The following ETS1 variants were observed in gnomAD, a reference collection of about 807,000 sequenced individuals.
ETS1 encodes ETS proto-oncogene 1, transcription factor.
In ETS1, 15 loss-of-function variants were observed where a neutral mutation model predicts 58.6. That is an observed-to-expected ratio of 0.26 (90% confidence interval 0.17 to 0.39). ETS1 has a LOEUF of 0.39. ETS1 is among the 10% of genes least tolerant of loss of function. ETS1 has a pLI of 1.00. For synonymous variants in ETS1, 214 were observed against 218.2 expected (o/e 0.98, Z 0.17); for missense variants, 417 against 610.5 (o/e 0.68, Z 3.34).
chr11:128,550,300 A>G (rs2135551936), intron 3 of ETS1, among the ~76,000 whole-genome samples: 1 of 152,362 alleles, frequency 6.6e-6, no homozygotes, highest in African/African-American at 2.4e-5. Flanking sequence ...AAATAGTACC[A>G]GCTCAAAAGC....
intron 3 of ETS1, among the ~76,000 whole-genome samples, chr11:128,503,048 A>G (rs1863132135): frequency 6.6e-6 from 1 of 152,226 alleles, no homozygotes; most frequent in Non-Finnish European, 1.5e-5. Context: ...AGGGCTCAAC[A>G]AAGAGATCCC....
chr11:128,522,779 C>A (rs1863723302), intron 3 of ETS1, among the ~76,000 whole-genome samples: 1 of 152,224 alleles, frequency 6.6e-6, no homozygotes, highest in Non-Finnish European at 1.5e-5. Flanking sequence ...CAAAGACTGA[C>A]ACACAGGACG....
chr11:128,463,880 G>A lies in ETS1; in HGVS notation c.1124-253C>T, dbSNP rs58273364. ...CTTTATTTTGATTAACTTAAGGATC[G>A]GTTCATTTTTATTGCTAAACAAATT... On this transcript the variant is annotated intron_variant, in intron 8 of 9. Coordinates refer to ENST00000392668, the MANE Select transcript of ETS1 (RefSeq NM_001143820.2). The surrounding 1 kb of genome is among the most constrained non-coding windows in gnomAD (Gnocchi z 4.1). The A allele has an allele frequency of 7.3e-5, 19 of 259,670 alleles. No homozygotes were observed. The highest frequency in any genetic ancestry group is 3.5e-4 in the East Asian group (4 of 11,530). The allele number at this position is 259,670 out of a possible 1,614,324, so 16.1% of individuals were successfully genotyped here. A position where few individuals can be genotyped will look rare whatever the true frequency, so the allele number is the denominator to read the frequency against.
chr11:128,538,070 G>A (rs1201442449), intron 3 of ETS1, among the ~76,000 whole-genome samples: 5 of 152,064 alleles, frequency 3.3e-5, no homozygotes, highest in Admixed American at 2.6e-4. Flanking sequence ...GATTTGGGAT[G>A]TTTGCCACAC....
intron 2 of ETS1, among the ~76,000 whole-genome samples, chr11:128,566,584 C>T (rs960538012): frequency 2.0e-4 from 30 of 152,158 alleles, no homozygotes; most frequent in Middle Eastern, 3.4e-3. Context: ...GAGATCGAGA[C>T]CATCCTGGCT....
intron 8 of ETS1, among the ~76,000 whole-genome samples, chr11:128,479,325 C>G (rs978909476): frequency 2.0e-5 from 3 of 152,196 alleles, no homozygotes; most frequent in African/African-American, 7.2e-5. Flanking sequence ...TCTGAGTAAT[C>G]AAAGCTACTT....
intron 9 of ETS1, among the ~76,000 whole-genome samples, 169 bp from the exon 10 acceptor site, chr11:128,462,745 C>T (rs530901517): frequency 6.6e-6 from 1 of 152,266 alleles, no homozygotes; most frequent in African/African-American, 2.4e-5. Flanking sequence ...GGCCTATCTC[C>T]TGAATTCCAT....
intron 3 of ETS1, among the ~76,000 whole-genome samples, chr11:128,523,485 A>G: frequency 6.6e-6 from 1 of 152,256 alleles, no homozygotes; most frequent in East Asian, 1.9e-4. Flanking sequence ...TCTCAGAGAA[A>G]GCTATTTTTA....
At chr11:128,488,416 C>A (rs768770351) in intron 5 of ETS1, among the ~76,000 whole-genome samples, 14 of 151,972 alleles carry the variant, frequency 9.2e-5, no homozygotes, top group African/African-American at 2.4e-5. Context: ...AGGTATAATG[C>A]GGGGTAAAAG....
intron 3 of ETS1, among the ~76,000 whole-genome samples, chr11:128,539,677 A>G (rs1864025756): frequency 6.6e-6 from 1 of 152,214 alleles, no homozygotes; most frequent in Admixed American, 6.5e-5. Context: ...TTGTACATTA[A>G]TGTTAATAGC....
intron 3 of ETS1, among the ~76,000 whole-genome samples, chr11:128,508,486 G>A (rs530791716): frequency 6.6e-6 from 1 of 152,294 alleles, no homozygotes; most frequent in African/African-American, 2.4e-5. Flanking sequence ...AAGACATGGT[G>A]CTGCCTCCAG....
chr11:128,508,055 C>G (rs952743936), intron 3 of ETS1, among the ~76,000 whole-genome samples: 12 of 152,340 alleles, frequency 7.9e-5, no homozygotes, highest in African/African-American at 2.9e-4. Context: ...CCCTAACTCA[C>G]GTTCGGTAAG....
intron 8 of ETS1, among the ~76,000 whole-genome samples, chr11:128,479,228 T>C (rs993787140): frequency 6.6e-6 from 1 of 152,220 alleles, no homozygotes; most frequent in African/African-American, 2.4e-5. Flanking sequence ...CAGATCTTGC[T>C]GTTTGTCATC....
chr11:128,525,023 A>G (rs1369047107), intron 3 of ETS1, among the ~76,000 whole-genome samples: 2 of 127,026 alleles, frequency 1.6e-5, no homozygotes, highest in African/African-American at 5.6e-5. Context: ...TTTTTAAGGC[A>G]CTCAGGAAAA....
At chr11:128,518,964 G>C (rs967031517) in intron 3 of ETS1, among the ~76,000 whole-genome samples, 2 of 152,290 alleles carry the variant, frequency 1.3e-5, no homozygotes, top group Non-Finnish European at 1.5e-5. Context: ...AGTGTTGAAG[G>C]AAAGGAAAAA....
intron 1 of ETS1, among the ~76,000 whole-genome samples, chr11:128,582,918 T>G (rs1864903422): frequency 6.6e-6 from 1 of 152,048 alleles, no homozygotes; most frequent in South Asian, 2.1e-4. Flanking sequence ...AGTAAAGCAC[T>G]GCGGAAAATA....
At chr11:128,538,228 A>G (rs1026728692) in intron 3 of ETS1, among the ~76,000 whole-genome samples, 4 of 152,230 alleles carry the variant, frequency 2.6e-5, no homozygotes, top group African/African-American at 9.6e-5. Flanking sequence ...AGAAAAGTCT[A>G]CTGACTTATT....
intron 2 of ETS1, 93 bp from the exon 3 acceptor site, chr11:128,556,528 G>T (rs183665786): frequency 1.1e-5 from 9 of 809,664 alleles, no homozygotes; most frequent in Non-Finnish European, 1.7e-5. Flanking sequence ...CCAATCACAT[G>T]TAAGTAAGAA....
chr11:128,522,059 A>G, intron 3 of ETS1: 3 of 1,489,868 alleles, frequency 2.0e-6, no homozygotes, highest in Non-Finnish European at 2.7e-6. Flanking sequence ...TTTTCTTTTT[A>G]ATGAGGATTA....
Sources: gnomAD v4.1 joint callset for allele counts (sites outside exome capture counted in the v4.1 genomes callset) on GRCh38, gnomAD v4.1.1 for gene constraint, Gnocchi (gnomAD v3.1) non-coding constraint, MANE v1.5 for transcripts, NCBI Gene and HGNC (gene_info 2026-07-23, HGNC 2026-07-21) for gene names.